Variants in LCORL observed in about 807,000 individuals in gnomAD.
The protein encoded by LCORL is ligand-dependent nuclear receptor corepressor-like protein.
Under a neutral mutation model 141.8 loss-of-function variants are expected in LCORL, and 41 were observed. The ratio of observed to expected loss-of-function variants is 0.29; its 90% CI spans 0.23 to 0.38. The LOEUF (loss-of-function observed/expected upper bound fraction) is 0.38. Among genes scored for constraint, LCORL ranks in the 10% least tolerant of loss-of-function variants. The probability of loss-of-function intolerance (pLI) is 1.00; values close to 1 mark genes in which losing one functional copy is unlikely to be tolerated. For missense variants in LCORL, 1,759 were observed against 2,035.0 expected (o/e 0.86, Z 2.61); for synonymous variants, 618 against 694.1 (o/e 0.89, Z 1.72).
intron 6 of LCORL, chr4:17,883,272 C>T (rs1465444689): frequency 1.0e-6 from 1 of 986,632 alleles, no homozygotes; most frequent in East Asian, 1.1e-4. Flanking sequence ...ATACATACAA[C>T]AAGTGTTAAG....
intron 4 of LCORL, among the ~76,000 whole-genome samples, chr4:17,910,150 C>G (rs1732280461): frequency 6.6e-6 from 1 of 152,140 alleles, no homozygotes; most frequent in East Asian, 1.9e-4. Context: ...TAATACAACT[C>G]TGTCTGAAAC....
At chr4:17,854,949 T>A (rs1469691555) in intron 7 of LCORL, among the ~76,000 whole-genome samples, 1 of 152,216 alleles carries the variant, frequency 6.6e-6, no homozygotes, top group Non-Finnish European at 1.5e-5. Context: ...GTTTTGAATA[T>A]AAAGGTGACA....
At chr4:17,956,057 G>GTTC (rs1249431258) in intron 4 of LCORL, among the ~76,000 whole-genome samples, 1 of 152,090 alleles carries the variant, frequency 6.6e-6, no homozygotes, top group East Asian at 1.9e-4. Flanking sequence ...TGAAAAAAAT[G>GTTC]TTCAACATCA....
intron 3 of LCORL, 128 bp downstream of exon 3, chr4:17,962,842 G>T: frequency 2.3e-6 from 1 of 435,448 alleles, no homozygotes; most frequent in South Asian, 8.6e-5. Flanking sequence ...TATTATTTTC[G>T]TTTACCAAAA....
intron 1 of LCORL, among the ~76,000 whole-genome samples, chr4:17,985,923 C>T (rs1045111361): frequency 7.9e-5 from 12 of 152,148 alleles, no homozygotes; most frequent in African/African-American, 2.7e-4. Flanking sequence ...ACATTTAATG[C>T]TCCTTTCAAG....
chr4:18,020,572 A>C (rs1319269872), intron 1 of LCORL: 1 of 151,916 alleles, frequency 6.6e-6, no homozygotes, highest in African/African-American at 2.4e-5. Context: ...AGGCAAAAAA[A>C]GAAAAAAAAA....
At chr4:17,962,169 G>A (rs1036516668) in intron 3 of LCORL, 137 bp from the exon 4 acceptor site, 1 of 443,684 alleles carries the variant, frequency 2.3e-6, no homozygotes, top group Non-Finnish European at 3.9e-6. Context: ...TAGATAGAGG[G>A]AACATAAAAT....
chr4:17,938,036 C>T (rs1418759202), intron 4 of LCORL, among the ~76,000 whole-genome samples: 1 of 137,982 alleles, frequency 7.2e-6, no homozygotes, highest in Non-Finnish European at 1.5e-5. Context: ...CAGAGTTTCG[C>T]TCTTGTTTGC....
intron 4 of LCORL, among the ~76,000 whole-genome samples, chr4:17,937,714 A>C (rs1004960288): frequency 1.3e-5 from 2 of 152,182 alleles, no homozygotes; most frequent in Non-Finnish European, 2.9e-5. Flanking sequence ...GGTACAGTTA[A>C]GCCATATAAA....
At chr4:17,851,439 T>G (rs141525817) in intron 7 of LCORL, among the ~76,000 whole-genome samples, 47 of 152,292 alleles carry the variant, frequency 3.1e-4, no homozygotes, top group African/African-American at 9.6e-4. Context: ...AACTCTCTCC[T>G]TGTACACAAT....
intron 4 of LCORL, among the ~76,000 whole-genome samples, chr4:17,948,369 G>A (rs143010786): frequency 3.3e-5 from 5 of 152,070 alleles, no homozygotes; most frequent in African/African-American, 4.8e-5. Flanking sequence ...CACATGTATT[G>A]AGCATAAATA....
At chr4:17,918,108 C>T (rs926696859) in intron 4 of LCORL, among the ~76,000 whole-genome samples, 10 of 152,294 alleles carry the variant, frequency 6.6e-5, no homozygotes, top group African/African-American at 2.2e-4. Flanking sequence ...GTTGATTGAT[C>T]ACTAAGCTAA....
chr4:17,888,414 C>G (rs17518640), intron 5 of LCORL, among the ~76,000 whole-genome samples: 10,645 of 152,172 alleles, frequency 0.07, 536 homozygotes, highest in Non-Finnish European at 0.1. Context: ...ATCTATGTAA[C>G]TACTTGAATT....
At chr4:17,916,364 G>A (rs1311021213) in intron 4 of LCORL, among the ~76,000 whole-genome samples, 2 of 152,178 alleles carry the variant, frequency 1.3e-5, no homozygotes, top group Admixed American at 1.3e-4. Flanking sequence ...CAAACCACTG[G>A]TGTTTTGGTA....
intron 1 of LCORL, among the ~76,000 whole-genome samples, chr4:17,978,200 C>T (rs1717343648): frequency 6.6e-6 from 1 of 152,088 alleles, no homozygotes. Context: ...GCTTGAATGC[C>T]AGACATTGTG....
At chr4:17,898,298 T>A (rs1389646955) in intron 5 of LCORL, among the ~76,000 whole-genome samples, 1 of 152,214 alleles carries the variant, frequency 6.6e-6, no homozygotes, top group Non-Finnish European at 1.5e-5. Context: ...CTTTTCTCAA[T>A]GTTATGTTAC....
intron 1 of LCORL, among the ~76,000 whole-genome samples, chr4:17,982,099 C>CGTGTATGTGT (rs1718087698): frequency 1.5e-5 from 2 of 136,470 alleles, no homozygotes; most frequent in South Asian, 5.2e-4. Context: ...AGTATTCCAT[C>CGTGTATGTGT]GTGTGTGTGT....
chr4:17,948,457 A>G (rs1299066484), intron 4 of LCORL, among the ~76,000 whole-genome samples: 4 of 152,112 alleles, frequency 2.6e-5, no homozygotes, highest in Non-Finnish European at 5.9e-5. Context: ...TTAACGGAGG[A>G]GACAGGAGTA....
chr4:17,920,153 T>C (rs1016750243), intron 4 of LCORL, among the ~76,000 whole-genome samples: 1 of 152,198 alleles, frequency 6.6e-6, no homozygotes, highest in Admixed American at 6.5e-5. Flanking sequence ...GAACCCCAAC[T>C]TGAAGCCAGT....
Sources: gnomAD v4.1 joint callset for allele counts (sites outside exome capture counted in the v4.1 genomes callset) on GRCh38, gnomAD v4.1.1 for gene constraint, MANE v1.5 for transcripts, NCBI Gene and HGNC (gene_info 2026-07-23, HGNC 2026-07-21) for gene names.